Variants in ZNF423 observed in about 807,000 individuals in gnomAD.
ZNF423 encodes the protein Ebf-associated zinc finger protein.
In ZNF423, 12 loss-of-function variants were observed where a neutral mutation model predicts 95.8. The observed-to-expected ratio is 0.13, with a 90% CI of 0.08 to 0.20. The LOEUF (loss-of-function observed/expected upper bound fraction) is 0.20, where lower values mean the gene tolerates loss of function less well. Ranked by LOEUF, ZNF423 falls within the 10% of genes least tolerant of loss-of-function variation. The probability of loss-of-function intolerance (pLI) is 1.00; values close to 1 mark genes in which losing one functional copy is unlikely to be tolerated. For missense variants in ZNF423, 1,316 were observed against 1,737.1 expected, an observed-to-expected ratio of 0.76 and a Z score of 4.31; for synonymous variants, 749 against 711.9, an observed-to-expected ratio of 1.05 and a Z score of -0.83.
At chr16:49,793,884 G>A (rs2034455354) in intron 1 of ZNF423, among the ~76,000 whole-genome samples, 1 of 152,208 alleles carries the variant, frequency 6.6e-6, no homozygotes, top group East Asian at 1.9e-4. Context: ...CAGCTCCAGA[G>A]CCCTTTGCAA....
intron 3 of ZNF423, among the ~76,000 whole-genome samples, chr16:49,728,622 A>T (rs1813423249): frequency 6.6e-6 from 1 of 152,208 alleles, no homozygotes. Context: ...CTTCCTGGGG[A>T]CCAAAGCACA....
intron 5 of ZNF423, among the ~76,000 whole-genome samples, chr16:49,584,560 T>G (rs1405875577): frequency 6.6e-6 from 1 of 152,092 alleles, no homozygotes. Context: ...CAACAGAAAT[T>G]TATCTTCTCA....
chr16:49,639,079 TAATGAAGG>T (rs1167461016), intron 3 of ZNF423, among the ~76,000 whole-genome samples: 2 of 152,180 alleles, frequency 1.3e-5, no homozygotes, highest in Non-Finnish European at 2.9e-5. Context: ...GGGCGGCAGA[TAATGAAGG>T]GGGAGCGCCT....
chr16:49,516,343 G>A (rs1272130873), intron 7 of ZNF423, among the ~76,000 whole-genome samples: 1 of 152,216 alleles, frequency 6.6e-6, no homozygotes. Context: ...TCCAAGGAGA[G>A]GGAATCCCCA....
chr16:49,781,347 AG>A (rs1431402362), intron 2 of ZNF423, among the ~76,000 whole-genome samples: 1 of 152,200 alleles, frequency 6.6e-6, no homozygotes, highest in East Asian at 1.9e-4. Context: ...CATCCACTCA[AG>A]GGCTCCAGCA....
At chr16:49,643,317 A>AT (rs1973046600) in intron 3 of ZNF423, among the ~76,000 whole-genome samples, 1 of 152,096 alleles carries the variant, frequency 6.6e-6, no homozygotes, top group South Asian at 2.1e-4. Context: ...ACTTGCATCG[A>AT]TTTTGCTGTG....
intron 3 of ZNF423, among the ~76,000 whole-genome samples, chr16:49,678,144 C>T (rs968644189): frequency 6.6e-6 from 1 of 152,046 alleles, no homozygotes; most frequent in Non-Finnish European, 1.5e-5. Context: ...GATCGCGCCA[C>T]TGCACTCCAG....
chr16:49,807,644 C>T (rs1403040704), intron 1 of ZNF423, among the ~76,000 whole-genome samples: 1 of 152,220 alleles, frequency 6.6e-6, no homozygotes, highest in East Asian at 1.9e-4. Flanking sequence ...CCCCATTGCC[C>T]ACCCACCGTG....
chr16:49,494,131 G>A (rs1006052397), intron 7 of ZNF423, among the ~76,000 whole-genome samples: 2 of 152,152 alleles, frequency 1.3e-5, no homozygotes, highest in African/African-American at 4.8e-5. Flanking sequence ...ACATGATGAA[G>A]GCTGGAACCC....
intron 5 of ZNF423, among the ~76,000 whole-genome samples, chr16:49,621,150 ACTGGGCAGAG>A (rs1972065087): frequency 6.6e-6 from 1 of 152,128 alleles, no homozygotes; most frequent in Non-Finnish European, 1.5e-5. Flanking sequence ...GGAAAGGGCG[ACTGGGCAGAG>A]CTGGGTCAAC....
chr16:49,672,903 G>A (rs1464242614), intron 3 of ZNF423, among the ~76,000 whole-genome samples: 3 of 152,196 alleles, frequency 2.0e-5, no homozygotes, highest in East Asian at 3.9e-4. Flanking sequence ...TGTACCGAGT[G>A]TCCACAGCCT....
chr16:49,807,204 G>C (rs1289179240), intron 1 of ZNF423, among the ~76,000 whole-genome samples: 1 of 152,174 alleles, frequency 6.6e-6, no homozygotes, highest in African/African-American at 2.4e-5. Flanking sequence ...GGCTGAGGCA[G>C]GCGGATCATG....
At chr16:49,800,042 G>C (rs560838430) in intron 1 of ZNF423, among the ~76,000 whole-genome samples, 3 of 152,112 alleles carry the variant, frequency 2.0e-5, no homozygotes, top group Non-Finnish European at 4.4e-5. Flanking sequence ...CTAGGAGTTC[G>C]AGACCAGCCT....
intron 2 of ZNF423, among the ~76,000 whole-genome samples, chr16:49,742,124 G>A (rs1354708275): frequency 6.6e-6 from 1 of 152,224 alleles, no homozygotes; most frequent in Admixed American, 6.5e-5. Context: ...ACCAGGACAG[G>A]CTGACATTTG....
chr16:49,515,873 G>T (rs1401359212), intron 7 of ZNF423, among the ~76,000 whole-genome samples: 1 of 152,222 alleles, frequency 6.6e-6, no homozygotes, highest in Non-Finnish European at 1.5e-5. Context: ...TGCAGAGACA[G>T]CTGGGCTGGT....
intron 1 of ZNF423, among the ~76,000 whole-genome samples, chr16:49,793,831 G>T (rs1407797227): frequency 6.6e-6 from 1 of 152,158 alleles, no homozygotes; most frequent in African/African-American, 2.4e-5. Context: ...ACAGGGAGGG[G>T]GCACATGGCA....
chr16:49,661,709 A>G (rs1329058877), intron 3 of ZNF423, among the ~76,000 whole-genome samples: 1 of 152,162 alleles, frequency 6.6e-6, no homozygotes, highest in Non-Finnish European at 1.5e-5. Flanking sequence ...GCTCTGCTGC[A>G]ATTCCTGGGG....
chr16:49,539,686 T>C (rs1349090521), intron 5 of ZNF423, among the ~76,000 whole-genome samples: 1 of 152,016 alleles, frequency 6.6e-6, no homozygotes, highest in Non-Finnish European at 1.5e-5. Context: ...GTGGGGGGTG[T>C]GAGTGTAACA....
In ZNF423 at chr16:49,513,080, C is replaced by T. The variant is rs142255665; in HGVS notation, c.3849+10544G>A. ...TACTGCACACTCCAGACTGGGTGAC[C>T]GAGTGAGACTCTGTCTCAAAAAAAT... On this transcript the variant is annotated intron_variant, in intron 7 of 7. Coordinates refer to ENST00000563137, the MANE Select transcript of ZNF423 (RefSeq NM_001379286.1). Among the ~76,000 whole-genome samples, 11 of 152,144 alleles carry T rather than the reference C, an allele frequency of 7.2e-5. No individual in the cohort carries two copies. In the East Asian group the frequency reaches 1.9e-3, roughly 27 times the overall value.
Sources: allele counts gnomAD v4.1 joint callset (sites outside exome capture counted in the v4.1 genomes callset), GRCh38; gene constraint gnomAD v4.1.1; transcripts MANE v1.5; gene names NCBI Gene and HGNC (gene_info 2026-07-23, HGNC 2026-07-21).